G2E3: variants seen among roughly 807,000 people sequenced by gnomAD.
G2E3 encodes G2/M-phase specific E3 ubiquitin protein ligase.
G2E3 carries 35 observed loss-of-function variants against 92.8 expected under a neutral mutation model. The ratio of observed to expected loss-of-function variants is 0.38; its 90% confidence interval spans 0.29 to 0.50. The LOEUF (loss-of-function observed/expected upper bound fraction) is 0.50. Among genes scored for constraint, G2E3 ranks in the 20% least tolerant of loss-of-function variants. G2E3 has a pLI of 0.94. For missense variants in G2E3, 554 were observed against 823.8 expected (o/e 0.67, Z 4.01); for synonymous variants, 242 against 272.4 (o/e 0.89, Z 1.10).
intron 13 of G2E3, among the ~76,000 whole-genome samples, chr14:30,613,645 A>T (rs1469586647): frequency 6.6e-6 from 1 of 151,636 alleles, no homozygotes; most frequent in Non-Finnish European, 1.5e-5. Flanking sequence ...AGACCTTTTC[A>T]TTGAACCCAA....
At chr14:30,610,984 C>G (rs1413208176) in intron 12 of G2E3, among the ~76,000 whole-genome samples, 1 of 152,210 alleles carries the variant, frequency 6.6e-6, no homozygotes, top group Non-Finnish European at 1.5e-5. Context: ...GCCCTTTATA[C>G]AGATGGCCCT....
At chr14:30,608,131 G>C (rs772518877) in intron 12 of G2E3, 62 bp downstream of exon 12, 152 of 908,378 alleles carry the variant, frequency 1.7e-4, no homozygotes, top group Middle Eastern at 9.2e-4. Flanking sequence ...TAATGTAAAT[G>C]ACTGATCTGC....
intron 1 of G2E3, among the ~76,000 whole-genome samples, chr14:30,576,309 C>G (rs1479597680): frequency 1.3e-5 from 2 of 152,198 alleles, no homozygotes; most frequent in Admixed American, 1.3e-4. Flanking sequence ...GGATATCTGG[C>G]TAGCCATATG....
chr14:30,601,748 C>T (rs189366440), intron 8 of G2E3, 22 bp from the exon 9 acceptor site: 1 of 1,613,332 alleles, frequency 6.2e-7, no homozygotes, highest in East Asian at 2.2e-5. Context: ...AATGTAAGTT[C>T]TGCTTTTCTT....
At chr14:30,604,379 A>G (rs1232146038) in intron 10 of G2E3, among the ~76,000 whole-genome samples, 8 of 152,266 alleles carry the variant, frequency 5.3e-5, no homozygotes, top group African/African-American at 1.9e-4. Flanking sequence ...AAAATGATCC[A>G]TGGGCATTGC....
chr14:30,584,015 C>T (rs1880573407), intron 2 of G2E3, among the ~76,000 whole-genome samples: 1 of 152,116 alleles, frequency 6.6e-6, no homozygotes, highest in South Asian at 2.1e-4. Flanking sequence ...AAGTAGTCAC[C>T]CCTCATTTTC....
Position 30,586,710 on chromosome 14 carries a change from A to T in G2E3, c.38-8A>T. The T allele has an allele frequency of 1.9e-6, 2 of 1,036,278 alleles. No homozygotes were observed. Among genetic ancestry groups the T allele is most frequent in the Non-Finnish European group, 2.8e-6 (2 of 707,416 alleles). The allele number at this position is 1,036,278 out of a possible 1,614,324, so 64.2% of individuals were successfully genotyped here. The stretch of plus-strand genomic sequence containing the variant: ...TATTTTTATATCTATTTACTTTTTC[A>T]CTGTTAGCTTGTGTTTTCTGTCGAA... On this transcript the variant is annotated splice_polypyrimidine_tract_variant and splice_region_variant and intron_variant, in intron 2 of 14. Coordinates refer to ENST00000206595, the MANE Select transcript of G2E3 (RefSeq NM_017769.5).
chr14:30,597,836 A>C (rs1881364783), intron 7 of G2E3, among the ~76,000 whole-genome samples: 1 of 152,252 alleles, frequency 6.6e-6, no homozygotes, highest in Non-Finnish European at 1.5e-5. Context: ...GATGTGATTT[A>C]AAATATGTAA....
At chr14:30,587,450 G>T (rs922389404) in intron 3 of G2E3, among the ~76,000 whole-genome samples, 3 of 152,080 alleles carry the variant, frequency 2.0e-5, no homozygotes, top group Non-Finnish European at 2.9e-5. Flanking sequence ...AGTGTTTCTT[G>T]ATACTATATA....
chr14:30,606,074 CTT>C (rs1021418774), intron 11 of G2E3, among the ~76,000 whole-genome samples: 11 of 151,984 alleles, frequency 7.2e-5, no homozygotes, highest in Non-Finnish European at 1.5e-4. Flanking sequence ...TTAAGTGTAA[CTT>C]TATCTTAACT....
At chr14:30,567,334 C>CA (rs1300198189) in intron 1 of G2E3, among the ~76,000 whole-genome samples, 2 of 152,114 alleles carry the variant, frequency 1.3e-5, no homozygotes, top group African/African-American at 4.8e-5. Context: ...ATTAGTGATT[C>CA]AATCTCTTGT....
At position 30,589,400 on chromosome 14, in the gene G2E3, T is replaced by G; in HGVS notation, c.153T>G (p.Ile51Met). The G allele has an allele frequency of 6.3e-7, 1 of 1,598,044 alleles. No homozygotes were observed. Residue 51 changes from isoleucine to methionine, a missense_variant, in exon 4 of 15, where the codon ATT becomes ATG. Transcript: ENST00000206595. The stretch of plus-strand genomic sequence containing the variant: ...ATTCATAGTTGATGTCAAGTGGAAT[T>G]TGGCAGAGAGGCAAAGAAGAAGAAG... Reference protein sequence around the residue: ...HYYCLLMSSGIWQRGKEEEGV... With the variant: ...HYYCLLMSSGMWQRGKEEEGV...
chr14:30,567,527 T>C (rs1482387054), intron 1 of G2E3, among the ~76,000 whole-genome samples: 1 of 152,088 alleles, frequency 6.6e-6, no homozygotes, highest in Admixed American at 6.5e-5. Context: ...ATTTAGTAAT[T>C]TGAGTCTTCT....
At chr14:30,580,760 A>G (rs2138817076) in intron 1 of G2E3, 1 of 205,698 alleles carries the variant, frequency 4.9e-6, no homozygotes, top group East Asian at 1.3e-4. Context: ...TTGAAAGTCT[A>G]GACTATCGTT....
At chr14:30,608,357 G>A (rs761800400) in intron 12 of G2E3, among the ~76,000 whole-genome samples, 1 of 152,172 alleles carries the variant, frequency 6.6e-6, no homozygotes, top group African/African-American at 2.4e-5. Flanking sequence ...ACATGGATTT[G>A]CCTGCCTTGC....
chr14:30,615,632 G>A, intron 14 of G2E3, 93 bp downstream of exon 14: 2 of 726,804 alleles, frequency 2.8e-6, no homozygotes, highest in Non-Finnish European at 4.2e-6. Context: ...TTTGCCTTTT[G>A]GTATTAATAT....
intron 7 of G2E3, 24 bp downstream of exon 7, chr14:30,597,550 TAAAAA>T (rs751652243): frequency 3.6e-6 from 4 of 1,112,056 alleles, no homozygotes; most frequent in Non-Finnish European, 5.5e-6. Context: ...AGCCTTATGA[TAAAAA>T]AAAGATATTT....
intron 2 of G2E3, among the ~76,000 whole-genome samples, chr14:30,584,198 A>G (rs1056454192): frequency 6.6e-6 from 1 of 152,214 alleles, no homozygotes; most frequent in African/African-American, 2.4e-5. Flanking sequence ...TGTAGCATGT[A>G]TTACTACTTT....
At chr14:30,580,394 CAG>C (rs1346199119) in intron 1 of G2E3, among the ~76,000 whole-genome samples, 1 of 151,976 alleles carries the variant, frequency 6.6e-6, no homozygotes, top group Non-Finnish European at 1.5e-5. Flanking sequence ...TTGGTAGAAA[CAG>C]GGTTTCACCA....
Sources: gnomAD v4.1 joint callset for allele counts (sites outside exome capture counted in the v4.1 genomes callset) on GRCh38, gnomAD v4.1.1 for gene constraint, MANE v1.5 for transcripts, NCBI Gene and HGNC (gene_info 2026-07-23, HGNC 2026-07-21) for gene names.